The following EPHA3 variants were observed in gnomAD, a reference collection of about 807,000 sequenced individuals.
The protein encoded by EPHA3 is EPH receptor A3.
EPHA3 carries 42 observed loss-of-function variants against 107.1 expected under a neutral mutation model. The observed-to-expected ratio is 0.39, with a 90% CI of 0.31 to 0.51. EPHA3 has a LOEUF of 0.51. Among genes scored for constraint, EPHA3 ranks in the 20% least tolerant of loss-of-function variants. EPHA3 has a pLI of 0.78. For synonymous variants in EPHA3, 461 were observed against 424.8 expected (o/e 1.09, Z -1.05); for missense variants, 1,183 against 1,211.2 (o/e 0.98, Z 0.35).
chr3:89,113,839 C>CA (rs1707183991), intron 1 of EPHA3, among the ~76,000 whole-genome samples: 1 of 151,892 alleles, frequency 6.6e-6, no homozygotes, highest in Non-Finnish European at 1.5e-5. Flanking sequence ...GAGTGACAGC[C>CA]AAAAAATGCT....
At chr3:89,142,264 G>T (rs373968899) in intron 2 of EPHA3, among the ~76,000 whole-genome samples, 9 of 151,242 alleles carry the variant, frequency 6.0e-5, no homozygotes, top group African/African-American at 2.2e-4. Context: ...TGAAATGATA[G>T]ATACAACATT....
Position 89,413,180 on chromosome 3 carries a change from C to T in EPHA3, c.1802C>T (p.Thr601Ile), listed in dbSNP as rs751984150. Residue 601 changes from threonine (T) to isoleucine (I), a missense_variant, in exon 10 of 17, where the codon ACA becomes ATA. Transcript: ENST00000336596. ...PGLRTYVDPH[T>I]YEDPTQAVHE... Reference sequence around the variant, plus strand: ...CTCAGGACTTATGTTGACCCACATACATATGAAGACCCTACCCAAGCTGTT... The same window carrying T: ...CTCAGGACTTATGTTGACCCACATATATATGAAGACCCTACCCAAGCTGTT... The T allele has an allele frequency of 1.2e-6, 2 of 1,611,720 alleles. No homozygotes were observed. Among genetic ancestry groups the T allele is most frequent in the South Asian group, 2.2e-5 (2 of 91,030 alleles).
intron 3 of EPHA3, among the ~76,000 whole-genome samples, chr3:89,329,607 A>G (rs1292684901): frequency 1.3e-5 from 2 of 152,146 alleles, no homozygotes; most frequent in Admixed American, 6.6e-5. Context: ...ATTGCAATTC[A>G]TCTTCCAAGT....
intron 5 of EPHA3, among the ~76,000 whole-genome samples, chr3:89,391,400 T>C (rs551230964): frequency 0.011 from 1,597 of 147,238 alleles, 46 homozygotes; most frequent in African/African-American, 0.04. Flanking sequence ...TTCTTTTCTT[T>C]TCTTTTCTTT....
intron 8 of EPHA3, among the ~76,000 whole-genome samples, chr3:89,407,764 C>A (rs1709082681): frequency 6.6e-6 from 1 of 152,026 alleles, no homozygotes; most frequent in Non-Finnish European, 1.5e-5. Flanking sequence ...CCCTTCATTC[C>A]TTCTAACAGA....
chr3:89,209,275 C>A (rs1241733304), intron 2 of EPHA3, among the ~76,000 whole-genome samples: 5 of 152,046 alleles, frequency 3.3e-5, no homozygotes, highest in Non-Finnish European at 7.4e-5. Flanking sequence ...TGGCGGGAAG[C>A]TGTGGGGTGA....
At chr3:89,225,440 C>T (rs1351525466) in intron 3 of EPHA3, among the ~76,000 whole-genome samples, 1 of 152,166 alleles carries the variant, frequency 6.6e-6, no homozygotes, top group East Asian at 1.9e-4. Flanking sequence ...TACATCTCAG[C>T]CTGTTGCATA....
At position 89,431,004 on chromosome 3, in the gene EPHA3, C is replaced by T. The variant is rs898263731; in HGVS notation, c.2137-146C>T. The T allele has an allele frequency of 8.7e-6, 6 of 687,528 alleles. 1 individual carries two copies. Among genetic ancestry groups the T allele is most frequent in the South Asian group, 8.0e-5 (4 of 49,886 alleles). The allele number at this position is 687,528 out of a possible 1,614,324, so 42.6% of individuals were successfully genotyped here. ...TTTGTTTCAGCCTTGTATCCATTTG[C>T]CACATATCTTTGTCTTGAGTGCTTA... On this transcript the variant is annotated intron_variant, in intron 12 of 16. Coordinates refer to ENST00000336596, the MANE Select transcript of EPHA3 (RefSeq NM_005233.6).
chr3:89,471,137 T>C (rs1710392606), intron 15 of EPHA3, among the ~76,000 whole-genome samples: 1 of 151,168 alleles, frequency 6.6e-6, no homozygotes, highest in African/African-American at 2.4e-5. Flanking sequence ...TCCAGTCTTA[T>C]AAGTCAAAGG....
At chr3:89,317,726 A>G (rs567188203) in intron 3 of EPHA3, among the ~76,000 whole-genome samples, 1 of 151,882 alleles carries the variant, frequency 6.6e-6, no homozygotes, top group African/African-American at 2.4e-5. Flanking sequence ...TATTCTATCC[A>G]TTCAATATAT....
chr3:89,346,583 A>G (rs1398623940), intron 5 of EPHA3, among the ~76,000 whole-genome samples: 3 of 149,012 alleles, frequency 2.0e-5, no homozygotes, highest in Non-Finnish European at 4.5e-5. Flanking sequence ...GTTCACTCTG[A>G]TGGTAGTTTC....
chr3:89,477,712 G>A (rs759923169), intron 16 of EPHA3, among the ~76,000 whole-genome samples: 4 of 151,592 alleles, frequency 2.6e-5, no homozygotes, highest in Admixed American at 6.6e-5. Flanking sequence ...GATACTTTAC[G>A]CCCTGGTCAT....
At chr3:89,417,979 C>T (rs1709281690) in intron 10 of EPHA3, among the ~76,000 whole-genome samples, 1 of 151,270 alleles carries the variant, frequency 6.6e-6, no homozygotes, top group Admixed American at 6.6e-5. Flanking sequence ...GAGAGAGACA[C>T]CATTTGTAGT....
intron 11 of EPHA3, among the ~76,000 whole-genome samples, chr3:89,427,897 C>CT (rs961878977): frequency 4.6e-5 from 7 of 151,680 alleles, no homozygotes; most frequent in Admixed American, 1.3e-4. Context: ...TCAAAGCATC[C>CT]TTTTTTTGGT....
chr3:89,380,027 A>G (rs1708470023), intron 5 of EPHA3, among the ~76,000 whole-genome samples: 1 of 152,228 alleles, frequency 6.6e-6, no homozygotes, highest in Non-Finnish European at 1.5e-5. Flanking sequence ...TCAGGCATAT[A>G]CAAGCCATAT....
At chr3:89,262,963 C>CT (rs532365863) in intron 3 of EPHA3, among the ~76,000 whole-genome samples, 4,516 of 97,206 alleles carry the variant, frequency 0.046, 393 homozygotes, top group Admixed American at 0.13. Flanking sequence ...TTACAGCGCT[C>CT]TTTTTTTTTT....
chr3:89,389,392 A>T (rs1012479248), intron 5 of EPHA3, among the ~76,000 whole-genome samples: 2 of 152,204 alleles, frequency 1.3e-5, no homozygotes, highest in Admixed American at 1.3e-4. Context: ...TCTTTCAACC[A>T]TTCACTGCAT....
chr3:89,210,240 A>C lies in EPHA3; in HGVS notation c.534A>C (p.Gly178=), dbSNP rs748193312. 1 of 1,613,936 alleles carries C rather than the reference A, an allele frequency of 6.2e-7. No homozygotes were observed. Among genetic ancestry groups the C allele is most frequent in the East Asian group, 2.2e-5 (1 of 44,860 alleles). ...IREVGPVNKK[G]FYLAFQDVGA... ...AAGTAGGTCCTGTCAACAAGAAGGG[A>C]TTTTATTTGGCATTTCAAGATGTTG... Residue 178 remains glycine, a synonymous_variant, in exon 3 of 17, where the codon GGA becomes GGC. Coordinates refer to ENST00000336596, the MANE Select transcript of EPHA3 (RefSeq NM_005233.6).
At chr3:89,195,317 C>T (rs1017326964) in intron 2 of EPHA3, among the ~76,000 whole-genome samples, 4 of 152,052 alleles carry the variant, frequency 2.6e-5, no homozygotes, top group African/African-American at 9.7e-5. Flanking sequence ...GAAAGCTGTG[C>T]AACTGAAGAG....
Sources: gnomAD v4.1 joint callset for allele counts (sites outside exome capture counted in the v4.1 genomes callset) on GRCh38, gnomAD v4.1.1 for gene constraint, MANE v1.5 for transcripts, NCBI Gene and HGNC (gene_info 2026-07-23, HGNC 2026-07-21) for gene names.